TDRD15: variants seen among roughly 807,000 people sequenced by gnomAD.
The protein encoded by TDRD15 is tudor domain-containing protein 15.
For missense variants in TDRD15, 1,416 were observed against 904.7 expected (o/e 1.57, Z -7.25); for synonymous variants, 503 against 314.5 (o/e 1.60, Z -6.34).
At chr2:21,126,030 C>G (rs562385788) in intron 1 of TDRD15, among the ~76,000 whole-genome samples, 1 of 151,736 alleles carries the variant, frequency 6.6e-6, no homozygotes, top group South Asian at 2.1e-4. Flanking sequence ...GTGTGTGTGT[C>G]TGTGTGTCTT....
downstream of TDRD15, among the ~76,000 whole-genome samples, chr2:21,145,339 TC>T (rs1161147673): frequency 6.6e-6 from 1 of 152,058 alleles, no homozygotes; most frequent in Non-Finnish European, 1.5e-5. Flanking sequence ...GGGAAGAGTT[TC>T]CTGTAAACTA....
At position 21,142,934 on chromosome 2, in the gene TDRD15, A is replaced by G. The variant is rs1252571263; in HGVS notation, c.5467A>G (p.Ile1823Val). The change falls in exon 4 of 4, where the codon ATA becomes GTA. Residue 1823 changes from isoleucine (I) to valine (V), a missense_variant. By Grantham distance (29) the Ile-to-Val change is conservative (BLOSUM62 3). Transcript: ENST00000405799. ...VLVDYGFSFY[I>V]RYSEIINLKV... ...GGTTGACTATGGATTTTCTTTTTAT[A>G]TACGTTATTCAGAAATTATAAATCT... 4.3e-6 allele frequency: 3 copies of G among 698,550 alleles called. No homozygotes were observed. The highest frequency in any genetic ancestry group is 2.7e-5 in the East Asian group (1 of 37,102). The allele number at this position is 698,550 out of a possible 1,614,324, so 43.3% of individuals were successfully genotyped here.
rs1428417990 is a variant in TDRD15, at chr2:21,138,818, A to G, written c.1351A>G (p.Met451Val). ...AAACAGCTTTGCAGTTGAGAGTTTTATGGGAAATATTGAATGGTCAATAGA... is the reference window on the plus strand; with the variant it reads ...AAACAGCTTTGCAGTTGAGAGTTTTGTGGGAAATATTGAATGGTCAATAGA... Reference protein sequence around the residue: ...DVNSFAVESFMGNIEWSIDSL... With the variant: ...DVNSFAVESFVGNIEWSIDSL... The change falls in exon 4 of 4, where the codon ATG becomes GTG. Residue 451 changes from methionine to valine, a missense_variant. Coordinates refer to ENST00000405799, the MANE Select transcript of TDRD15 (RefSeq NM_001306137.2). 2.8e-6 allele frequency: 2 copies of G among 713,304 alleles called. No individual in the cohort carries two copies. The highest frequency in any genetic ancestry group is 5.2e-6 in the Non-Finnish European group (2 of 383,374). The allele number at this position is 713,304 out of a possible 1,614,324, so 44.2% of individuals were successfully genotyped here.
rs1197203562 is a variant in TDRD15 at position 21,137,862 on chromosome 2, T to C, written c.395T>C (p.Val132Ala). ...GGTATTTTTGCGAATATACTACCAG[T>C]TGGGGAAAAATGGTCCCCTAAAGCT... ...VFGIFANILP[V>A]GEKWSPKALN... The change falls in exon 4 of 4, where the codon GTT (valine) becomes GCT (alanine). Residue 132 changes from valine to alanine, a missense_variant. Transcript: ENST00000405799. The C allele has an allele frequency of 4.2e-6, 3 of 715,810 alleles. No homozygotes were observed. The highest frequency in any genetic ancestry group is 7.8e-6 in the Non-Finnish European group (3 of 384,240). 44.3% of individuals were successfully genotyped at this position (715,810 alleles called of 1,614,324 possible). A position where few individuals can be genotyped will look rare whatever the true frequency, so the allele number is the denominator to read the frequency against.
rs1386289182 is a variant in TDRD15 at position 21,141,292 on chromosome 2, A to G, written c.3825A>G (p.Pro1275=). The change falls in exon 4 of 4, where the codon CCA becomes CCG. Residue 1275 remains proline (P), a synonymous_variant. Transcript: ENST00000405799. The part of the protein sequence containing the change: ...RALNQTTSQN[P]YDLIRPQIKD... The stretch of plus-strand genomic sequence containing the variant: ...TAAATCAAACAACCTCACAAAACCC[A>G]TATGACCTTATTAGGCCACAGATCA... 2.8e-6 allele frequency: 2 copies of G among 714,330 alleles called. No homozygotes were observed. The highest frequency in any genetic ancestry group is 5.2e-6 in the Non-Finnish European group (2 of 383,636). 44.2% of individuals were successfully genotyped at this position (714,330 alleles called of 1,614,324 possible).
chr2:21,126,428 G>A (rs1197289448), intron 1 of TDRD15, among the ~76,000 whole-genome samples: 1 of 151,724 alleles, frequency 6.6e-6, no homozygotes, highest in Non-Finnish European at 1.5e-5. Flanking sequence ...GTGCAATAGT[G>A]GGACCTCGTC....
At position 21,140,513 on chromosome 2, in the gene TDRD15, A is replaced by AGAG. The variant is rs1230166104; in HGVS notation, c.3047_3049dup (p.Arg1016_Val1017insGly). The stretch of plus-strand genomic sequence containing the variant: ...TCCAAAATATGATTCTAATAAAATG[A>AGAG]GAGTGTGCATATCTAAGTATGTAGA... On this transcript the variant is annotated inframe_insertion, in exon 4 of 4. Transcript: ENST00000405799. 1.4e-6 allele frequency: 1 copy of AGAG among 693,218 alleles called. No individual in the cohort carries two copies. Among genetic ancestry groups the AGAG allele is most frequent in the African/African-American group, 1.8e-5 (1 of 55,802 alleles). The allele number at this position is 693,218 out of a possible 1,614,324, so 42.9% of individuals were successfully genotyped here.
chr2:21,137,990 C>G lies in TDRD15; in HGVS notation c.523C>G (p.Gln175Glu), dbSNP rs1665843030. Reference protein sequence around the residue: ...FLFEVPKIISQALELQLGRLV... With the variant: ...FLFEVPKIISEALELQLGRLV... ...TTTTGAAGTGCCAAAAATTATATCT[C>G]AGGCTCTCGAGTTACAATTAGGAAG... Residue 175 changes from glutamine (Q) to glutamate (E), a missense_variant, in exon 4 of 4, where the codon CAG becomes GAG. Physicochemically the swap from Gln to Glu is conservative, Grantham distance 29. Coordinates refer to ENST00000405799, the MANE Select transcript of TDRD15 (RefSeq NM_001306137.2). 1.1e-5 allele frequency: 8 copies of G among 716,748 alleles called. No individual in the cohort carries two copies. The highest frequency in any genetic ancestry group is 1.8e-5 in the Non-Finnish European group (7 of 384,544). 44.4% of individuals were successfully genotyped at this position (716,748 alleles called of 1,614,324 possible).
chr2:21,135,053 A>G (rs1056089613), intron 3 of TDRD15, among the ~76,000 whole-genome samples: 3 of 146,132 alleles, frequency 2.1e-5, no homozygotes, highest in South Asian at 2.1e-4. Flanking sequence ...ATTTATATAT[A>G]TAAATAATTA....
In TDRD15 at chr2:21,133,228, G is replaced by A. The variant is rs79501046; in HGVS notation, c.-89-1534G>A. Reference sequence around the variant, plus strand: ...ATGGGAGGAGGAAAACCAAAGCACAGATGCTTCAACTTGCAGTCTTTTGGA... The same window carrying A: ...ATGGGAGGAGGAAAACCAAAGCACAAATGCTTCAACTTGCAGTCTTTTGGA... On this transcript the variant is annotated intron_variant, in intron 2 of 3. Transcript: ENST00000405799. Among the ~76,000 whole-genome samples the A allele has an allele frequency of 7.1e-3, 1,082 of 152,290 alleles. 15 individuals are homozygous for A. Among genetic ancestry groups the A allele is most frequent in the African/African-American group, 0.024 (1,001 of 41,564 alleles).
At chr2:21,128,217 C>A (rs1025422645) in intron 2 of TDRD15, among the ~76,000 whole-genome samples, 1 of 151,650 alleles carries the variant, frequency 6.6e-6, no homozygotes, top group Non-Finnish European at 1.5e-5. Flanking sequence ...TTTCATTCTT[C>A]TTTCCCCCAT....
chr2:21,144,975 AGAAAAG>A (rs1302863309), downstream of TDRD15, among the ~76,000 whole-genome samples: 1 of 151,904 alleles, frequency 6.6e-6, no homozygotes. Flanking sequence ...CTCCCAAAAA[AGAAAAG>A]GAGGAGGAAG....
rs971861573 is a variant in TDRD15 at position 21,138,200 on chromosome 2, G to A, written c.733G>A (p.Val245Ile). 4.0e-5 allele frequency: 29 copies of A among 716,574 alleles called. No individual in the cohort carries two copies. Among genetic ancestry groups the A allele is most frequent in the Non-Finnish European group, 7.0e-5 (27 of 384,504 alleles). 44.4% of individuals were successfully genotyped at this position (716,574 alleles called of 1,614,324 possible). A position where few individuals can be genotyped will look rare whatever the true frequency, so the allele number is the denominator to read the frequency against. Residue 245 changes from valine (V) to isoleucine (I), a missense_variant, in exon 4 of 4, where the codon GTA (valine) becomes ATA (isoleucine). Physicochemically the swap from Val to Ile is conservative, Grantham distance 29. Transcript: ENST00000405799. ...TTTGTCAGTAGGAAGTACTGAAAGT[G>A]TAAAGGTATCATCTGCATTGAGCCC... Reference protein sequence around the residue: ...PSLSVGSTESVKVSSALSPSK... With the variant: ...PSLSVGSTESIKVSSALSPSK...
intron 2 of TDRD15, among the ~76,000 whole-genome samples, chr2:21,129,237 T>C (rs1665661898): frequency 6.6e-6 from 1 of 152,232 alleles, no homozygotes; most frequent in Admixed American, 6.5e-5. Context: ...TTTTCAGTTT[T>C]CTTTGGTCTA....
chr2:21,128,539 G>A (rs1328772675), intron 2 of TDRD15, among the ~76,000 whole-genome samples: 2 of 151,920 alleles, frequency 1.3e-5, no homozygotes, highest in Non-Finnish European at 2.9e-5. Context: ...AGCCAGGATG[G>A]TCTCGATCTC....
chr2:21,134,011 G>GT (rs1194969706), intron 2 of TDRD15, among the ~76,000 whole-genome samples: 1 of 152,038 alleles, frequency 6.6e-6, no homozygotes, highest in Admixed American at 6.6e-5. Flanking sequence ...TTTAAATGGT[G>GT]TTACTGGATT....
chr2:21,132,295 G>A (rs762516704), intron 2 of TDRD15, among the ~76,000 whole-genome samples: 3 of 152,060 alleles, frequency 2.0e-5, no homozygotes, highest in Non-Finnish European at 2.9e-5. Flanking sequence ...TTTTCACTCA[G>A]TGAAATTAGA....
chr2:21,124,825 TG>T (rs1418146557), intron 1 of TDRD15, among the ~76,000 whole-genome samples: 2 of 136,852 alleles, frequency 1.5e-5, no homozygotes, highest in Non-Finnish European at 1.6e-5. Flanking sequence ...AGGGTGTGTG[TG>T]TGTGTGTGTG....
rs1267842852 is a variant in TDRD15, at chr2:21,138,435, T to A, written c.968T>A (p.Phe323Tyr). 3 of 715,274 alleles carry A rather than the reference T, an allele frequency of 4.2e-6. No individual in the cohort carries two copies. The East Asian group carries it at 8.0e-5, about 19-fold the overall frequency. 44.3% of individuals were successfully genotyped at this position (715,274 alleles called of 1,614,324 possible). A position where few individuals can be genotyped will look rare whatever the true frequency, so the allele number is the denominator to read the frequency against. The part of the protein sequence containing the change: ...LLPPNQVKIW[F>Y]MDYGSSEAIP... ...CCCCCAAATCAAGTAAAAATTTGGTTTATGGATTATGGCAGTAGCGAGGCT... is the reference window on the plus strand; with the variant it reads ...CCCCCAAATCAAGTAAAAATTTGGTATATGGATTATGGCAGTAGCGAGGCT... The change falls in exon 4 of 4, where the codon TTT (phenylalanine) becomes TAT (tyrosine). Residue 323 changes from phenylalanine to tyrosine, a missense_variant. Phe to Tyr is a conservative substitution (Grantham distance 22, BLOSUM62 3). Transcript: ENST00000405799.
Sources: allele counts gnomAD v4.1 joint callset (sites outside exome capture counted in the v4.1 genomes callset), GRCh38; gene constraint gnomAD v4.1.1; transcripts MANE v1.5; gene names NCBI Gene and HGNC (gene_info 2026-07-23, HGNC 2026-07-21).